The following IFT122 variants were observed in gnomAD, a reference collection of about 807,000 sequenced individuals.
IFT122 encodes the protein intraflagellar transport protein 122 homolog.
A neutral mutation model predicts 161.6 loss-of-function variants in IFT122; 118 were observed. That is an observed-to-expected ratio of 0.73 (90% CI 0.63 to 0.85). The LOEUF (loss-of-function observed/expected upper bound fraction) is 0.85, where lower values mean the gene tolerates loss of function less well. Among genes scored for constraint, IFT122 ranks in the 40% least tolerant of loss-of-function variants. The pLI is 0.00. For missense variants in IFT122, 1,381 were observed against 1,579.6 expected, an observed-to-expected ratio of 0.87 and a Z score of 2.13; for synonymous variants, 550 against 602.4, an observed-to-expected ratio of 0.91 and a Z score of 1.27.
intron 3 of IFT122, chr3:129,457,937 A>G (rs2108016298): frequency 6.3e-6 from 1 of 157,814 alleles, no homozygotes; most frequent in Non-Finnish European, 1.4e-5. Flanking sequence ...ACGGGGTTTC[A>G]CCGTGTTGGC....
chr3:129,506,260 C>G (rs758955600), intron 21 of IFT122, 149 bp from the exon 22 acceptor site: 16 of 857,086 alleles, frequency 1.9e-5, no homozygotes, highest in Middle Eastern at 3.3e-4. Flanking sequence ...TTTAGAGAAG[C>G]GCCATCCCAG....
intron 18 of IFT122, among the ~76,000 whole-genome samples, chr3:129,496,128 C>CA (rs1461532573): frequency 6.6e-6 from 1 of 152,144 alleles, no homozygotes; most frequent in Admixed American, 6.5e-5. Context: ...CAGCATGCCT[C>CA]ACGCCTGCCG....
chr3:129,509,035 T>G (rs953493155), intron 23 of IFT122, among the ~76,000 whole-genome samples: 1 of 152,222 alleles, frequency 6.6e-6, no homozygotes, highest in Non-Finnish European at 1.5e-5. Context: ...GACCTTTTTT[T>G]GGTGCAAGTT....
At chr3:129,497,808 T>C (rs916938093) in intron 18 of IFT122, among the ~76,000 whole-genome samples, 3 of 151,172 alleles carry the variant, frequency 2.0e-5, no homozygotes, top group African/African-American at 4.9e-5. Context: ...GGGGGAGATC[T>C]AGTCCTGATT....
In IFT122 at chr3:129,481,701, T is replaced by G; in HGVS notation, c.1653+7T>G. 1 of 1,613,804 alleles carries G rather than the reference T, an allele frequency of 6.2e-7. No homozygotes were observed. On this transcript the variant is annotated splice_region_variant and intron_variant, in intron 14 of 29. Coordinates refer to ENST00000348417, the MANE Select transcript of IFT122 (RefSeq NM_052989.3). The stretch of plus-strand genomic sequence containing the variant: ...CAAGGAGCTGCTTTTTCAGGTGAAG[T>G]CCCTGAGGGGGCCCAGGGACATCAT...
chr3:129,486,229 G>A (rs948620559), intron 15 of IFT122, among the ~76,000 whole-genome samples: 2 of 152,154 alleles, frequency 1.3e-5, no homozygotes, highest in African/African-American at 4.8e-5. Flanking sequence ...CCCACTCACG[G>A]GGCAGTCAGC....
At chr3:129,440,548 C>T (rs1434889430) in intron 1 of IFT122, among the ~76,000 whole-genome samples, 177 bp downstream of exon 1, 1 of 152,168 alleles carries the variant, frequency 6.6e-6, no homozygotes, top group Non-Finnish European at 1.5e-5. Flanking sequence ...GAGAAACTCC[C>T]GAGGGTTGGA....
At chr3:129,483,365 C>A in intron 14 of IFT122, 120 bp from the exon 15 acceptor site, 1 of 852,254 alleles carries the variant, frequency 1.2e-6, no homozygotes, top group Non-Finnish European at 2.0e-6. Context: ...CTTTTCCCTC[C>A]ATCCCACTGT....
At chr3:129,502,599 C>T in intron 19 of IFT122, 112 bp from the exon 20 acceptor site, 1 of 1,234,150 alleles carries the variant, frequency 8.1e-7, no homozygotes, top group Non-Finnish European at 1.2e-6. Flanking sequence ...CTGAGCAACT[C>T]CCATGGGCCA....
At chr3:129,492,680 G>A (rs1486430204) in intron 17 of IFT122, among the ~76,000 whole-genome samples, 1 of 152,126 alleles carries the variant, frequency 6.6e-6, no homozygotes, top group Non-Finnish European at 1.5e-5. Flanking sequence ...GAGTTCTGGA[G>A]CAACCCCTAG....
At chr3:129,466,768 G>A in intron 7 of IFT122, 122 bp from the exon 8 acceptor site, 1 of 902,132 alleles carries the variant, frequency 1.1e-6, no homozygotes, top group South Asian at 1.3e-5. Context: ...CTCCTGAAGT[G>A]CTGGGATTAC....
At chr3:129,447,536 A>G (rs1185042162) in intron 1 of IFT122, among the ~76,000 whole-genome samples, 1 of 152,160 alleles carries the variant, frequency 6.6e-6, no homozygotes, top group African/African-American at 2.4e-5. Context: ...ACCCTGCAAA[A>G]CAGAGTCTTG....
intron 25 of IFT122, 156 bp downstream of exon 25, chr3:129,514,710 G>C (rs2083264213): frequency 1.2e-6 from 1 of 839,586 alleles, no homozygotes; most frequent in Non-Finnish European, 2.0e-6. Context: ...CAGCTCCCCT[G>C]TGCTTCCCTG....
chr3:129,481,871 C>G (rs2078691755), intron 14 of IFT122, among the ~76,000 whole-genome samples, 177 bp downstream of exon 14: 1 of 152,260 alleles, frequency 6.6e-6, no homozygotes, highest in Non-Finnish European at 1.5e-5. Flanking sequence ...TCCTCCCACA[C>G]AGGCACAAGC....
At chr3:129,479,560 G>T (rs2078386728) in intron 12 of IFT122, among the ~76,000 whole-genome samples, 1 of 152,220 alleles carries the variant, frequency 6.6e-6, no homozygotes, top group South Asian at 2.1e-4. Context: ...AGGCTGCCTG[G>T]GTGGGGGTTT....
At chr3:129,488,508 G>C in intron 16 of IFT122, 111 bp downstream of exon 16, 1 of 1,408,446 alleles carries the variant, frequency 7.1e-7, no homozygotes, top group South Asian at 1.2e-5. Context: ...AGTCTCTGGA[G>C]TTAGGCTGAC....
At chr3:129,453,023 A>G (rs77132187) in intron 3 of IFT122, among the ~76,000 whole-genome samples, 11,380 of 151,960 alleles carry the variant, frequency 0.075, 1,154 homozygotes, top group East Asian at 0.41. Context: ...TGCCCCCCCC[A>G]CTGAGATGGA....
intron 26 of IFT122, among the ~76,000 whole-genome samples, chr3:129,516,784 ACCGCTCCTGC>A (rs2083826997): frequency 9.4e-6 from 1 of 106,842 alleles, no homozygotes; most frequent in Non-Finnish European, 1.8e-5. Flanking sequence ...ACACACAGAG[ACCGCTCCTGC>A]ACACACACAG....
rs555883105 is a variant in IFT122 at position 129,514,391 on chromosome 3, A to G, written c.2990A>G (p.Lys997Arg). 17 of 1,614,044 alleles carry G rather than the reference A, an allele frequency of 1.1e-5. No homozygotes were observed. The East Asian group carries it at 2.0e-4, about 19-fold the overall frequency. ...KDTPSGISKV[K>R]ILFTLAKQSK... ...GTCCTTAACCCTGTTCACGGCAGGA[A>G]AATACTCTTCACCTTGGCCAAGCAG... is the stretch of plus-strand genomic sequence containing the variant. The change falls in exon 25 of 30, where the codon AAA becomes AGA. Residue 997 changes from lysine (K) to arginine (R), a missense_variant and splice_region_variant. This residue lies in a region of IFT122 where 496 missense variants were observed against 502.5 expected (regional missense o/e 0.99). Coordinates refer to ENST00000348417, the MANE Select transcript of IFT122 (RefSeq NM_052989.3).
Sources: allele counts gnomAD v4.1 joint callset (sites outside exome capture counted in the v4.1 genomes callset), GRCh38; gene constraint gnomAD v4.1.1; regional missense constraint gnomAD v4.1.1; transcripts MANE v1.5; gene names NCBI Gene and HGNC (gene_info 2026-07-23, HGNC 2026-07-21).